RAD51B: variants seen among roughly 807,000 people sequenced by gnomAD.
The protein encoded by RAD51B is RAD51 paralog B, also known as DNA repair protein RAD51 homolog 2.
A neutral mutation model predicts 42.2 loss-of-function variants in RAD51B; 38 were observed. That is an observed-to-expected ratio of 0.90 (90% CI 0.70 to 1.18). The LOEUF (loss-of-function observed/expected upper bound fraction) is 1.18. Among genes scored for constraint, RAD51B ranks in the 50% most tolerant of loss-of-function variants. RAD51B has a pLI of 0.00. For synonymous variants in RAD51B, 154 were observed against 145.2 expected, an observed-to-expected ratio of 1.06 and a Z score of -0.43; for missense variants, 373 against 400.7, an observed-to-expected ratio of 0.93 and a Z score of 0.59.
intron 10 of RAD51B, among the ~76,000 whole-genome samples, chr14:68,632,968 C>CTTTTTTTTTTTTTTTTTTTT (rs397852024): frequency 3.7e-4 from 22 of 59,418 alleles, no homozygotes; most frequent in Non-Finnish European, 5.3e-4. Flanking sequence ...TTTTCTTTTT[C>CTTTTTTTTTTTTTTTTTTTT]TTTTTTTTTT....
chr14:67,889,939 C>T (rs1004096008), intron 7 of RAD51B, among the ~76,000 whole-genome samples: 5 of 152,028 alleles, frequency 3.3e-5, no homozygotes, highest in African/African-American at 1.2e-4. Context: ...ATCTTTTCTC[C>T]TGAAGTTTAT....
chr14:68,568,138 A>G (rs748641686), intron 10 of RAD51B, among the ~76,000 whole-genome samples: 1 of 152,218 alleles, frequency 6.6e-6, no homozygotes, highest in Non-Finnish European at 1.5e-5. Context: ...AATGAATAAA[A>G]TGGCTGTTCC....
rs574316161 is a variant in RAD51B, at chr14:68,337,786, T to G, written c.853+45806T>G. Among the ~76,000 whole-genome samples, 8 of 152,324 alleles carry G rather than the reference T, an allele frequency of 5.3e-5. 1 individual carries two copies. The South Asian group carries it at 1.7e-3, about 32-fold the overall frequency. On this transcript the variant is annotated intron_variant, in intron 8 of 10. Coordinates refer to ENST00000471583, the MANE Select transcript of RAD51B (RefSeq NM_133510.4). ...AAATTTTTATTTGTTTTGTTTTGTT[T>G]TGTTTGACAGGATCTCACTCTGTCC...
chr14:68,184,797 G>A (rs577045379), intron 7 of RAD51B, among the ~76,000 whole-genome samples: 1 of 152,256 alleles, frequency 6.6e-6, no homozygotes, highest in African/African-American at 2.4e-5. Context: ...CCAAATCTGT[G>A]TTTCTGAAGA....
intron 7 of RAD51B, among the ~76,000 whole-genome samples, chr14:68,063,200 T>C: frequency 6.6e-6 from 1 of 152,188 alleles, no homozygotes; most frequent in Admixed American, 6.5e-5. Flanking sequence ...TCTTGGTCTT[T>C]TGGTTTTTTA....
intron 10 of RAD51B, among the ~76,000 whole-genome samples, chr14:68,635,290 A>C (rs1892320108): frequency 6.6e-6 from 1 of 152,098 alleles, no homozygotes; most frequent in African/African-American, 2.4e-5. Context: ...CACCCCCTTC[A>C]ACCTGGGCAA....
At chr14:68,272,553 G>C (rs1488444162) in intron 7 of RAD51B, among the ~76,000 whole-genome samples, 3 of 137,644 alleles carry the variant, frequency 2.2e-5, no homozygotes, top group Non-Finnish European at 3.0e-5. Context: ...CACTTTGGAA[G>C]TACTCAATAA....
chr14:68,277,228 G>A lies in RAD51B; in HGVS notation c.757-14656G>A, dbSNP rs137997409. Among the ~76,000 whole-genome samples, 472 of 152,246 alleles carry A rather than the reference G, an allele frequency of 3.1e-3. 2 individuals are homozygous for A. The highest frequency in any genetic ancestry group is 0.011 in the African/African-American group (449 of 41,524). Reference sequence around the variant, plus strand: ...GAGGAGCCTCACATTAGTAATGGACGACAACCCTCAGAGACAGCCATAGGT... The same window carrying A: ...GAGGAGCCTCACATTAGTAATGGACAACAACCCTCAGAGACAGCCATAGGT... On this transcript the variant is annotated intron_variant, in intron 7 of 10. Transcript: ENST00000471583.
chr14:68,401,913 C>A (rs191044326), intron 8 of RAD51B, among the ~76,000 whole-genome samples: 4 of 152,102 alleles, frequency 2.6e-5, no homozygotes, highest in Non-Finnish European at 5.9e-5. Context: ...TAATAGATAG[C>A]GTGTGGTCCC....
intron 11 of RAD51B, among the ~76,000 whole-genome samples, chr14:68,671,020 G>C (rs944645359): frequency 1.3e-5 from 2 of 152,060 alleles, no homozygotes; most frequent in East Asian, 1.9e-4. Context: ...TCTGCTGCTG[G>C]CCCCCCCAAG....
chr14:68,384,995 G>A (rs935237031), intron 8 of RAD51B, among the ~76,000 whole-genome samples: 3 of 152,336 alleles, frequency 2.0e-5, no homozygotes, highest in East Asian at 1.9e-4. Context: ...ACAGCACGAC[G>A]ACAGAGGAGA....
intron 11 of RAD51B, among the ~76,000 whole-genome samples, chr14:68,663,862 A>T: frequency 6.6e-6 from 1 of 152,340 alleles, no homozygotes; most frequent in Middle Eastern, 3.4e-3. Flanking sequence ...AAATGGGAGC[A>T]GTAGTCCCCT....
chr14:68,582,552 G>A (rs1349653567), intron 10 of RAD51B, among the ~76,000 whole-genome samples: 2 of 152,204 alleles, frequency 1.3e-5, no homozygotes, highest in East Asian at 1.9e-4. Context: ...TTACACTGTT[G>A]ATGGGAGTAT....
intron 8 of RAD51B, among the ~76,000 whole-genome samples, chr14:68,353,180 C>G (rs2139879548): frequency 6.6e-6 from 1 of 152,300 alleles, no homozygotes; most frequent in Middle Eastern, 3.4e-3. Flanking sequence ...TTCCTGAGGA[C>G]AGTCCTGATT....
intron 9 of RAD51B, among the ~76,000 whole-genome samples, chr14:68,435,381 T>G (rs2085120176): frequency 6.6e-6 from 1 of 152,202 alleles, no homozygotes; most frequent in Non-Finnish European, 1.5e-5. Flanking sequence ...TGGCTGTATA[T>G]GTACCGCATT....
intron 8 of RAD51B, among the ~76,000 whole-genome samples, chr14:68,312,982 T>G (rs1341520880): frequency 6.6e-6 from 1 of 152,076 alleles, no homozygotes; most frequent in Non-Finnish European, 1.5e-5. Flanking sequence ...GAACTGGGGG[T>G]GGCCAAGATG....
At chr14:68,172,299 G>A (rs2078888321) in intron 7 of RAD51B, among the ~76,000 whole-genome samples, 1 of 152,216 alleles carries the variant, frequency 6.6e-6, no homozygotes, top group Non-Finnish European at 1.5e-5. Flanking sequence ...TCTATTACAT[G>A]TGTATTTGTC....
At chr14:68,150,988 T>C (rs2078366394) in intron 7 of RAD51B, among the ~76,000 whole-genome samples, 1 of 152,030 alleles carries the variant, frequency 6.6e-6, no homozygotes, top group Admixed American at 6.6e-5. Context: ...AATAAATATA[T>C]ATTACCCAGT....
chr14:67,835,313 A>G (rs1357791633), intron 4 of RAD51B, 117 bp downstream of exon 4: 4 of 778,064 alleles, frequency 5.1e-6, no homozygotes, highest in Non-Finnish European at 8.5e-6. Flanking sequence ...TTAAATTATA[A>G]GTACTTCAAG....
Sources: gnomAD v4.1 joint callset for allele counts (sites outside exome capture counted in the v4.1 genomes callset) on GRCh38, gnomAD v4.1.1 for gene constraint, MANE v1.5 for transcripts, NCBI Gene and HGNC (gene_info 2026-07-23, HGNC 2026-07-21) for gene names.